The following CCSER1 variants were observed in gnomAD, a reference collection of about 807,000 sequenced individuals.
CCSER1 encodes the protein serine-rich coiled-coil domain-containing protein 1.
In CCSER1, 41 loss-of-function variants were observed where a neutral mutation model predicts 82.0. The ratio of observed to expected loss-of-function variants is 0.50; its 90% CI spans 0.39 to 0.65. CCSER1 has a LOEUF of 0.65. CCSER1 is among the 30% of genes least tolerant of loss of function. The probability of loss-of-function intolerance (pLI) is 0.00; values close to 1 mark genes in which losing one functional copy is unlikely to be tolerated. For synonymous variants in CCSER1, 414 were observed against 383.9 expected, an observed-to-expected ratio of 1.08 and a Z score of -0.92; for missense variants, 1,119 against 1,064.2, an observed-to-expected ratio of 1.05 and a Z score of -0.72.
chr4:90,326,262 G>C (rs1312376637), intron 3 of CCSER1, among the ~76,000 whole-genome samples: 1 of 151,870 alleles, frequency 6.6e-6, no homozygotes, highest in African/African-American at 2.4e-5. Context: ...GGGTTTCACT[G>C]TGTTAGCCAA....
chr4:90,731,604 A>G (rs2149404504), intron 7 of CCSER1, among the ~76,000 whole-genome samples: 1 of 152,294 alleles, frequency 6.6e-6, no homozygotes, highest in South Asian at 2.1e-4. Flanking sequence ...AATATAAACC[A>G]TACAATAGGT....
chr4:91,373,671 G>T (rs1750196954), intron 10 of CCSER1, among the ~76,000 whole-genome samples: 1 of 152,048 alleles, frequency 6.6e-6, no homozygotes, highest in Non-Finnish European at 1.5e-5. Context: ...CCCTACAATG[G>T]CCTCTAAATT....
At chr4:90,645,081 T>TA (rs70963077) in intron 6 of CCSER1, among the ~76,000 whole-genome samples, 1,606 of 131,300 alleles carry the variant, frequency 0.012, 20 homozygotes, top group African/African-American at 0.039. Flanking sequence ...AAACTCCGTC[T>TA]AAAAAAAAAA....
chr4:91,119,147 A>G (rs1369072614), intron 10 of CCSER1, among the ~76,000 whole-genome samples: 1 of 152,202 alleles, frequency 6.6e-6, no homozygotes, highest in African/African-American at 2.4e-5. Context: ...AGAGATGCAT[A>G]TGCTTACTGC....
intron 8 of CCSER1, among the ~76,000 whole-genome samples, chr4:90,860,185 G>T (rs1409201759): frequency 1.3e-5 from 2 of 151,184 alleles, no homozygotes; most frequent in African/African-American, 4.9e-5. Context: ...TTTTAAAATG[G>T]GCATACCATT....
At chr4:91,442,949 C>T (rs1296468249) in intron 10 of CCSER1, among the ~76,000 whole-genome samples, 4 of 152,080 alleles carry the variant, frequency 2.6e-5, no homozygotes, top group Non-Finnish European at 4.4e-5. Flanking sequence ...GTTAGAATGG[C>T]AATCATTAAA....
intron 10 of CCSER1, among the ~76,000 whole-genome samples, chr4:91,389,849 G>T (rs964038235): frequency 6.6e-6 from 1 of 151,894 alleles, no homozygotes; most frequent in Non-Finnish European, 1.5e-5. Context: ...AATACAAATG[G>T]TTATGTGGTT....
chr4:90,996,826 T>C (rs1737535608), intron 9 of CCSER1, among the ~76,000 whole-genome samples: 1 of 152,196 alleles, frequency 6.6e-6, no homozygotes, highest in African/African-American at 2.4e-5. Context: ...CTAAGTTGAT[T>C]GTATAAATAG....
chr4:90,648,642 AG>A (rs1385513261), intron 6 of CCSER1, among the ~76,000 whole-genome samples: 1 of 152,202 alleles, frequency 6.6e-6, no homozygotes, highest in Non-Finnish European at 1.5e-5. Context: ...AAGCCAAGTG[AG>A]GACAGAGAGA....
At chr4:90,718,927 G>A (rs1222352052) in intron 6 of CCSER1, among the ~76,000 whole-genome samples, 1 of 152,050 alleles carries the variant, frequency 6.6e-6, no homozygotes, top group African/African-American at 2.4e-5. Flanking sequence ...ACCATCATTG[G>A]TGCATTACTA....
At chr4:90,863,136 G>A (rs1406371337) in intron 8 of CCSER1, among the ~76,000 whole-genome samples, 2 of 149,162 alleles carry the variant, frequency 1.3e-5, no homozygotes, top group Non-Finnish European at 3.0e-5. Flanking sequence ...TCCCCTTCCT[G>A]TGTCCATTTG....
chr4:90,631,409 T>C (rs1724398254), intron 6 of CCSER1, among the ~76,000 whole-genome samples: 1 of 152,210 alleles, frequency 6.6e-6, no homozygotes, highest in African/African-American at 2.4e-5. Flanking sequence ...ACACTTTTGC[T>C]AATAAAGGTA....
At chr4:91,387,874 A>C (rs1172772648) in intron 10 of CCSER1, among the ~76,000 whole-genome samples, 1 of 152,088 alleles carries the variant, frequency 6.6e-6, no homozygotes, top group Non-Finnish European at 1.5e-5. Flanking sequence ...TTCTTTAATA[A>C]CTTTTCTACA....
At chr4:91,133,772 G>A (rs1171466996) in intron 10 of CCSER1, among the ~76,000 whole-genome samples, 18 of 152,144 alleles carry the variant, frequency 1.2e-4, no homozygotes, top group Non-Finnish European at 1.3e-4. Context: ...ATGGGGCAAT[G>A]AAAGTTTAAG....
intron 10 of CCSER1, among the ~76,000 whole-genome samples, chr4:91,506,833 A>G (rs571299876): frequency 6.6e-6 from 1 of 152,222 alleles, no homozygotes; most frequent in South Asian, 2.1e-4. Context: ...ACCCTGGCGA[A>G]TTTACTTTCT....
At chr4:91,377,324 C>T (rs1005969607) in intron 10 of CCSER1, among the ~76,000 whole-genome samples, 39 of 152,302 alleles carry the variant, frequency 2.6e-4, no homozygotes, top group African/African-American at 9.4e-4. Flanking sequence ...GGAATCGCCA[C>T]ACTGTCTTCC....
chr4:90,828,663 T>C (rs2149813187), intron 8 of CCSER1, among the ~76,000 whole-genome samples: 1 of 152,298 alleles, frequency 6.6e-6, no homozygotes, highest in Non-Finnish European at 1.5e-5. Flanking sequence ...GTTTTTCCTG[T>C]GTGTTCCCTT....
At chr4:91,293,797 A>G (rs1743940829) in intron 10 of CCSER1, among the ~76,000 whole-genome samples, 1 of 151,998 alleles carries the variant, frequency 6.6e-6, no homozygotes, top group Non-Finnish European at 1.5e-5. Context: ...AAAGAGGCAA[A>G]ACATTAAAAA....
intron 10 of CCSER1, among the ~76,000 whole-genome samples, chr4:91,495,330 A>G (rs76800584): frequency 0.11 from 15,970 of 151,370 alleles, 995 homozygotes; most frequent in Middle Eastern, 0.19. Flanking sequence ...ACTGTTAAAA[A>G]CCATTATTCT....
Sources: allele counts gnomAD v4.1 joint callset (sites outside exome capture counted in the v4.1 genomes callset), GRCh38; gene constraint gnomAD v4.1.1; transcripts MANE v1.5; gene names NCBI Gene and HGNC (gene_info 2026-07-23, HGNC 2026-07-21).